RAP2A: variants seen among roughly 807,000 people sequenced by gnomAD.
RAP2A encodes RAP2A, member of RAS oncogene family, also known as ras-related protein Rap-2a.
Under a neutral mutation model 15.1 loss-of-function variants are expected in RAP2A, and 5 were observed. The ratio of observed to expected loss-of-function variants is 0.33; its 90% CI spans 0.17 to 0.70. RAP2A has a LOEUF of 0.70. Among genes scored for constraint, RAP2A ranks in the 30% least tolerant of loss-of-function variants. RAP2A has a pLI of 0.68. For missense variants in RAP2A, 111 were observed against 240.3 expected, an observed-to-expected ratio of 0.46 and a Z score of 3.56; for synonymous variants, 110 against 99.7, an observed-to-expected ratio of 1.10 and a Z score of -0.62.
chr13:97,434,835 C>T (rs2066625786), intron 1 of RAP2A, 51 bp downstream of exon 1: 2 of 1,598,976 alleles, frequency 1.3e-6, no homozygotes, highest in Non-Finnish European at 1.7e-6. Context: ...AGTCACCGTC[C>T]CGGGGCTGGA....
At chr13:97,435,570 AGTTAAT>A (rs1208520909) in intron 1 of RAP2A, among the ~76,000 whole-genome samples, 2 of 151,398 alleles carry the variant, frequency 1.3e-5, no homozygotes, top group African/African-American at 4.8e-5. Context: ...GCTAATTTAA[AGTTAAT>A]GTTAATAAGC....
rs962738323 is a variant in RAP2A, at chr13:97,468,187, C to G, written c.*3745C>G. ...AAAAATAAAAATAACATGTAAGAGA[C>G]TGTAAAATCAGTTATTATAAATATA... On this transcript the variant is annotated 3_prime_UTR_variant, in exon 2 of 2. Coordinates refer to ENST00000245304, the MANE Select transcript of RAP2A (RefSeq NM_021033.7). 13 of 152,090 alleles carry G rather than the reference C, an allele frequency of 8.5e-5. 1 individual carries two copies. The South Asian group carries it at 1.9e-3, about 22-fold the overall frequency. The allele number at this position is 152,090 out of a possible 1,614,324, so 9.4% of individuals were successfully genotyped here. A position where few individuals can be genotyped will look rare whatever the true frequency, so the allele number is the denominator to read the frequency against.
intron 1 of RAP2A, among the ~76,000 whole-genome samples, chr13:97,459,378 C>T (rs1425251160): frequency 8.6e-5 from 13 of 152,012 alleles, no homozygotes; most frequent in Admixed American, 8.5e-4. Context: ...ACTAACAAAG[C>T]ACCTCATCTT....
chr13:97,442,877 C>T (rs1225397738), intron 1 of RAP2A, among the ~76,000 whole-genome samples: 1 of 152,152 alleles, frequency 6.6e-6, no homozygotes, highest in East Asian at 1.9e-4. Flanking sequence ...AGAAAGATAG[C>T]ATTTAGTCAC....
At chr13:97,439,623 G>C (rs897977596) in intron 1 of RAP2A, among the ~76,000 whole-genome samples, 10 of 152,154 alleles carry the variant, frequency 6.6e-5, no homozygotes, top group Non-Finnish European at 1.5e-4. Context: ...AGCCTGAAAG[G>C]TCAGGTTATG....
At chr13:97,460,597 A>T (rs2066742120) in intron 1 of RAP2A, among the ~76,000 whole-genome samples, 1 of 152,246 alleles carries the variant, frequency 6.6e-6, no homozygotes, top group East Asian at 1.9e-4. Context: ...TCTACTGTCA[A>T]CACAGGTCTT....
chr13:97,436,472 A>C (rs1470191746), intron 1 of RAP2A, among the ~76,000 whole-genome samples: 2 of 152,180 alleles, frequency 1.3e-5, no homozygotes, highest in Non-Finnish European at 2.9e-5. Context: ...CACCCTTCAC[A>C]TTTAGATATA....
At chr13:97,439,886 G>A (rs2153179104) in intron 1 of RAP2A, among the ~76,000 whole-genome samples, 1 of 152,206 alleles carries the variant, frequency 6.6e-6, no homozygotes, top group African/African-American at 2.4e-5. Context: ...TACCCAAGGT[G>A]AGTAAGTTGT....
intron 1 of RAP2A, among the ~76,000 whole-genome samples, chr13:97,444,324 TAAA>T (rs1051625790): frequency 4.7e-5 from 7 of 149,764 alleles, no homozygotes; most frequent in African/African-American, 1.2e-4. Flanking sequence ...ATATGTGACA[TAAA>T]AAGCAATCAG....
Position 97,434,677 on chromosome 13 carries a change from C to T in RAP2A, c.207C>T (p.Asp69=). Residue 69 remains aspartate, a synonymous_variant, in exon 1 of 2, where the codon GAC becomes GAT. Coordinates refer to ENST00000245304, the MANE Select transcript of RAP2A (RefSeq NM_021033.7). ...AGTEQFASMR[D]LYIKNGQGFI... is the part of the protein sequence containing the mutation. ...CCGAGCAGTTCGCGTCCATGCGGGA[C>T]CTGTACATCAAGAACGGCCAGGGCT... 6.2e-7 allele frequency: 1 copy of T among 1,614,152 alleles called. No homozygotes were observed. Among genetic ancestry groups the T allele is most frequent in the Non-Finnish European group, 8.5e-7 (1 of 1,180,006 alleles).
intron 1 of RAP2A, among the ~76,000 whole-genome samples, chr13:97,452,009 C>A (rs1356581708): frequency 6.6e-6 from 1 of 151,058 alleles, no homozygotes; most frequent in Non-Finnish European, 1.5e-5. Context: ...TGTAGAAATT[C>A]TTTATACATT....
chr13:97,463,184 A>G (rs2066755629), intron 1 of RAP2A, among the ~76,000 whole-genome samples: 1 of 152,238 alleles, frequency 6.6e-6, no homozygotes, highest in South Asian at 2.1e-4. Context: ...GTGAAAATAT[A>G]TTAGCTATCT....
At chr13:97,451,398 A>G (rs1439498762) in intron 1 of RAP2A, among the ~76,000 whole-genome samples, 4 of 152,150 alleles carry the variant, frequency 2.6e-5, no homozygotes, top group African/African-American at 7.2e-5. Flanking sequence ...AGCCACTTCC[A>G]TACTCAGAGA....
intron 1 of RAP2A, among the ~76,000 whole-genome samples, chr13:97,443,737 G>A (rs934234661): frequency 2.0e-5 from 3 of 152,098 alleles, no homozygotes; most frequent in Admixed American, 6.5e-5. Flanking sequence ...TATGAATACT[G>A]TATGTATTAT....
intron 1 of RAP2A, among the ~76,000 whole-genome samples, chr13:97,458,300 G>C (rs2066732351): frequency 6.6e-6 from 1 of 152,156 alleles, no homozygotes. Flanking sequence ...GAAGATACCA[G>C]CATGTTAAAA....
In RAP2A at chr13:97,456,271, G is replaced by GA. The variant is rs796532574; in HGVS notation, c.315-7923dup. ...GCCCACCCTCAGCTCAAGGCCACAA[G>GA]AAAAAAAAAAACGGGAAAACCAGGA... On this transcript the variant is annotated intron_variant, in intron 1 of 1. Coordinates refer to ENST00000245304, the MANE Select transcript of RAP2A (RefSeq NM_021033.7). 1.2e-3 allele frequency among the ~76,000 whole-genome samples: 166 copies of GA among 138,712 alleles called. 2 individuals carry two copies. The highest frequency in any genetic ancestry group is 2.6e-3 in the South Asian group (11 of 4,296). The allele number at this position is 138,712 out of a possible 152,430, so 91.0% of individuals were successfully genotyped here. A position where few individuals can be genotyped will look rare whatever the true frequency, so the allele number is the denominator to read the frequency against.
chr13:97,441,059 C>A (rs970680329), intron 1 of RAP2A, among the ~76,000 whole-genome samples: 4 of 152,038 alleles, frequency 2.6e-5, no homozygotes, highest in Non-Finnish European at 5.9e-5. Flanking sequence ...ATATAGTTTT[C>A]TTTTTGCCAC....
intron 1 of RAP2A, among the ~76,000 whole-genome samples, chr13:97,442,818 A>C (rs1325498795): frequency 6.6e-6 from 1 of 152,202 alleles, no homozygotes; most frequent in Admixed American, 6.5e-5. Context: ...AAGATTACGA[A>C]AATGAAGTAC....
intron 1 of RAP2A, among the ~76,000 whole-genome samples, chr13:97,443,154 C>T (rs960632587): frequency 1.3e-5 from 2 of 152,168 alleles, no homozygotes; most frequent in African/African-American, 4.8e-5. Context: ...TCCAGGATAA[C>T]ACTGATTCAC....
Sources: gnomAD v4.1 joint callset for allele counts (sites outside exome capture counted in the v4.1 genomes callset) on GRCh38, gnomAD v4.1.1 for gene constraint, MANE v1.5 for transcripts, NCBI Gene and HGNC (gene_info 2026-07-23, HGNC 2026-07-21) for gene names.